The following DNAH5 variants were observed in gnomAD, a reference collection of about 807,000 sequenced individuals.
The protein encoded by DNAH5 is axonemal beta dynein heavy chain 5.
DNAH5 carries 372 observed loss-of-function variants against 518.2 expected under a neutral mutation model. That is an observed-to-expected ratio of 0.72 (90% CI 0.66 to 0.78). The LOEUF is 0.78. DNAH5 is among the 30% of genes least tolerant of loss of function. The pLI is 0.00. For missense variants in DNAH5, 5,523 were observed against 5,687.0 expected, an observed-to-expected ratio of 0.97 and a Z score of 0.93; for synonymous variants, 2,039 against 2,025.9, an observed-to-expected ratio of 1.01 and a Z score of -0.17.
chr5:13,702,647 T>A (rs999889497), intron 76 of DNAH5, among the ~76,000 whole-genome samples: 2 of 151,996 alleles, frequency 1.3e-5, no homozygotes, highest in South Asian at 4.2e-4. Context: ...CTCTCTGGCA[T>A]GGACAATGGA....
chr5:13,966,298 T>C (rs1781525360), intron 1 of DNAH5, among the ~76,000 whole-genome samples: 1 of 152,200 alleles, frequency 6.6e-6, no homozygotes, highest in Admixed American at 6.5e-5. Flanking sequence ...ATTTTTGCAA[T>C]TGTGAATTGT....
Position 13,885,079 on chromosome 5 carries a change from G to A in DNAH5, c.2893C>T (p.Gln965Ter). 1 of 1,614,214 alleles carries A rather than the reference G, an allele frequency of 6.2e-7. No individual in the cohort carries two copies. ...ARELLSHFNHQNMDALLKVTR... is the reference protein window; with the variant it reads ...ARELLSHFNH The stretch of plus-strand genomic sequence containing the variant: ...ACTTTCAGAAGAGCATCCATGTTCT[G>A]ATGGTTGAAATGAGAGAGTAACTCG... The change falls in exon 19 of 79, where the codon CAG becomes TAG. Residue 965 changes from glutamine to a stop codon, truncating the protein, a stop_gained. Coordinates refer to ENST00000265104, the MANE Select transcript of DNAH5 (RefSeq NM_001369.3). LOFTEE classifies it high-confidence loss of function.
chr5:13,986,167 G>A (rs183569386), intron 1 of DNAH5, among the ~76,000 whole-genome samples: 1 of 152,304 alleles, frequency 6.6e-6, no homozygotes, highest in African/African-American at 2.4e-5. Context: ...AGGGGATGAG[G>A]GGAAATGCAT....
At chr5:13,758,721 G>T in intron 61 of DNAH5, 125 bp downstream of exon 61, 1 of 1,357,896 alleles carries the variant, frequency 7.4e-7, no homozygotes, top group Non-Finnish European at 1.0e-6. Flanking sequence ...AAAGACCCTT[G>T]GTGTCCATTA....
chr5:13,958,617 T>G (rs919492919), intron 1 of DNAH5, among the ~76,000 whole-genome samples: 1 of 152,230 alleles, frequency 6.6e-6, no homozygotes, highest in African/African-American at 2.4e-5. Flanking sequence ...GACAGCCATT[T>G]TATTTTCGTA....
At position 13,700,900 on chromosome 5, in the gene DNAH5, G is replaced by A. The variant is rs775054800; in HGVS notation, c.13492-29C>T. On this transcript the variant is annotated intron_variant, in intron 77 of 78. Transcript: ENST00000265104. Reference sequence around the variant, plus strand: ...TTCAGGGCAGCAAAAGATGAATGGAGCGGTTAGAGGTTTGTCTTAATAGAA... The same window carrying A: ...TTCAGGGCAGCAAAAGATGAATGGAACGGTTAGAGGTTTGTCTTAATAGAA... 3.1e-6 allele frequency: 5 copies of A among 1,605,760 alleles called. No individual in the cohort carries two copies. The African/African-American group carries it at 6.7e-5, about 21-fold the overall frequency.
At chr5:13,768,115 CAT>C (rs1752756544) in intron 58 of DNAH5, among the ~76,000 whole-genome samples, 1 of 152,072 alleles carries the variant, frequency 6.6e-6, no homozygotes, top group Non-Finnish European at 1.5e-5. Flanking sequence ...TGTATTGCCA[CAT>C]AGTTTGATAT....
At chr5:13,938,094 C>T (rs1779114608) in intron 1 of DNAH5, among the ~76,000 whole-genome samples, 2 of 152,176 alleles carry the variant, frequency 1.3e-5, no homozygotes, top group South Asian at 4.2e-4. Context: ...TCATGCCGTC[C>T]AAATCCATAC....
intron 1 of DNAH5, among the ~76,000 whole-genome samples, chr5:13,943,635 A>G (rs1318263751): frequency 1.3e-5 from 2 of 152,288 alleles, no homozygotes; most frequent in Non-Finnish European, 2.9e-5. Flanking sequence ...GGGGTGGCAG[A>G]TGGTGGCATA....
intron 12 of DNAH5, among the ~76,000 whole-genome samples, chr5:13,905,174 G>A (rs1561543336): frequency 6.6e-6 from 1 of 152,174 alleles, no homozygotes; most frequent in Non-Finnish European, 1.5e-5. Context: ...CAGATTTTTA[G>A]AAACCCATGG....
At chr5:13,827,895 C>T (rs1462529232) in intron 38 of DNAH5, among the ~76,000 whole-genome samples, 2 of 152,170 alleles carry the variant, frequency 1.3e-5, no homozygotes, top group East Asian at 1.9e-4. Context: ...CTTCACTCAA[C>T]ACTTCTCCTT....
chr5:13,809,308 A>G (rs987091338), intron 45 of DNAH5, 122 bp from the exon 46 acceptor site: 27 of 1,222,230 alleles, frequency 2.2e-5, no homozygotes, highest in Middle Eastern at 1.9e-4. Context: ...AATGAAGATC[A>G]TTAAAATTAG....
At chr5:13,830,266 C>G in intron 36 of DNAH5, 53 bp from the exon 37 acceptor site, 1 of 1,514,184 alleles carries the variant, frequency 6.6e-7, no homozygotes, top group Non-Finnish European at 9.1e-7. Flanking sequence ...TTTAGAAAAC[C>G]AAGAAAAAGG....
intron 1 of DNAH5, among the ~76,000 whole-genome samples, chr5:13,942,994 T>C (rs996594890): frequency 6.6e-6 from 1 of 152,186 alleles, no homozygotes; most frequent in Non-Finnish European, 1.5e-5. Flanking sequence ...ACTATTAAGG[T>C]AATTCTGTTA....
Position 13,841,058 on chromosome 5 carries a change from T to TA in DNAH5, c.5556dup (p.Lys1853Ter), listed in dbSNP as rs1765091034. 1.9e-6 allele frequency: 3 copies of TA among 1,614,078 alleles called. No individual in the cohort carries two copies. In the South Asian group the frequency reaches 3.3e-5, roughly 18 times the overall value. ...TGATTAGTTTTCTGCATGATTTTTTTATCAAACTTGGCATTTCTAAGGGCT... is the reference window on the plus strand; with the variant it reads ...TGATTAGTTTTCTGCATGATTTTTTTAATCAAACTTGGCATTTCTAAGGGCT... On this transcript the variant is annotated frameshift_variant, in exon 34 of 79. Coordinates refer to ENST00000265104, the MANE Select transcript of DNAH5 (RefSeq NM_001369.3). LOFTEE classifies it high-confidence loss of function.
chr5:13,912,415 A>ATG (rs1322160478), intron 11 of DNAH5, among the ~76,000 whole-genome samples: 1 of 151,686 alleles, frequency 6.6e-6, no homozygotes, highest in African/African-American at 2.4e-5. Flanking sequence ...TTGTGTGTGT[A>ATG]TGTATATATA....
chr5:13,810,962 G>A (rs1353187832), intron 44 of DNAH5, among the ~76,000 whole-genome samples: 1 of 152,200 alleles, frequency 6.6e-6, no homozygotes, highest in Non-Finnish European at 1.5e-5. Flanking sequence ...ATTATGTTAA[G>A]TGAAATAAGC....
intron 33 of DNAH5, 146 bp downstream of exon 33, chr5:13,841,546 G>A (rs1561403676): frequency 1.5e-6 from 1 of 664,932 alleles, no homozygotes; most frequent in Non-Finnish European, 2.6e-6. Flanking sequence ...AATCTGAAAG[G>A]TTAAGTATAT....
chr5:13,938,801 GA>G (rs1779197787), intron 1 of DNAH5, among the ~76,000 whole-genome samples: 4 of 152,160 alleles, frequency 2.6e-5, no homozygotes, highest in African/African-American at 9.7e-5. Context: ...CACTTGATGA[GA>G]ACACAGTGCT....
Sources: gnomAD v4.1 joint callset for allele counts (sites outside exome capture counted in the v4.1 genomes callset) on GRCh38, gnomAD v4.1.1 for gene constraint, MANE v1.5 for transcripts, NCBI Gene and HGNC (gene_info 2026-07-23, HGNC 2026-07-21) for gene names.